ATG2B: variants seen among roughly 807,000 people sequenced by gnomAD.
The protein encoded by ATG2B is autophagy-related protein 2 homolog B.
ATG2B carries 121 observed loss-of-function variants against 241.3 expected under a neutral mutation model. The ratio of observed to expected loss-of-function variants is 0.50; its 90% confidence interval spans 0.43 to 0.58. The LOEUF (loss-of-function observed/expected upper bound fraction) is 0.58, where lower values mean the gene tolerates loss of function less well. ATG2B is among the 20% of genes least tolerant of loss of function. The probability of loss-of-function intolerance (pLI) is 0.00; values close to 1 mark genes in which losing one functional copy is unlikely to be tolerated. For synonymous variants in ATG2B, 858 were observed against 876.6 expected, an observed-to-expected ratio of 0.98 and a Z score of 0.37; for missense variants, 2,306 against 2,491.6, an observed-to-expected ratio of 0.93 and a Z score of 1.59.
chr14:96,310,239 G>A (rs1887113244), intron 28 of ATG2B, among the ~76,000 whole-genome samples: 1 of 152,050 alleles, frequency 6.6e-6, no homozygotes, highest in Non-Finnish European at 1.5e-5. Context: ...TAGTAGGCGG[G>A]GTGTCATAAA....
chr14:96,314,890 G>A (rs1176528334), intron 23 of ATG2B, among the ~76,000 whole-genome samples: 3 of 152,136 alleles, frequency 2.0e-5, no homozygotes, highest in Admixed American at 6.5e-5. Flanking sequence ...TAGTAGAGAC[G>A]GGATTGACCA....
At chr14:96,302,968 A>C (rs1408286921) in intron 33 of ATG2B, 93 bp downstream of exon 33, 2 of 891,082 alleles carry the variant, frequency 2.2e-6, no homozygotes, top group East Asian at 5.8e-5. Context: ...AAAGATATCT[A>C]GTAATTTTCC....
intron 34 of ATG2B, among the ~76,000 whole-genome samples, chr14:96,298,317 T>C (rs1201183914): frequency 3.9e-5 from 6 of 152,224 alleles, no homozygotes; most frequent in Non-Finnish European, 7.3e-5. Context: ...CTCATGGCTA[T>C]TGGTGGGAAT....
intron 4 of ATG2B, among the ~76,000 whole-genome samples, chr14:96,343,674 TC>T (rs1461107090): frequency 7.9e-5 from 12 of 152,290 alleles, no homozygotes; most frequent in African/African-American, 2.9e-4. Flanking sequence ...ATTCCTGTAC[TC>T]CCCCACAAAA....
rs1886299279 is a variant in ATG2B at position 96,285,087 on chromosome 14, T to C, written c.*668A>G. 6.6e-6 allele frequency: 1 copy of C among 152,248 alleles called. No homozygotes were observed. Among genetic ancestry groups the C allele is most frequent in the African/African-American group, 2.4e-5 (1 of 41,474 alleles). 9.4% of individuals were successfully genotyped at this position (152,248 alleles called of 1,614,324 possible). On this transcript the variant is annotated 3_prime_UTR_variant, in exon 42 of 42. Coordinates refer to ENST00000359933, the MANE Select transcript of ATG2B (RefSeq NM_018036.7). This position sits in a 1 kb window ranked among gnomAD's most constrained non-coding sequence, Gnocchi z 4.2. ...ACTGCTCTTTATATTTTGTGTAACTTTGTAAATTATACAAGAAATATAGCA... is the reference window on the plus strand; with the variant it reads ...ACTGCTCTTTATATTTTGTGTAACTCTGTAAATTATACAAGAAATATAGCA...
intron 6 of ATG2B, among the ~76,000 whole-genome samples, chr14:96,340,196 C>T (rs1339220872): frequency 2.9e-5 from 2 of 68,552 alleles, no homozygotes; most frequent in Non-Finnish European, 7.8e-5. Context: ...TATATATATT[C>T]ACACACACAT....
chr14:96,331,561 T>C lies in ATG2B; in HGVS notation c.1545A>G (p.Ser515=), dbSNP rs1374559521. 15 of 1,613,952 alleles carry C rather than the reference T, an allele frequency of 9.3e-6. No homozygotes were observed. The highest frequency in any genetic ancestry group is 1.3e-5 in the African/African-American group (1 of 74,916). ...LIFRLAVGTF[S]ISVLHIDPLS... ...AAGGATCAATGTGAAGCACAGAGAT[T>C]GAAAAAGTTCCCACAGCTAGTCTAA... Residue 515 remains serine (S), a synonymous_variant, in exon 11 of 42, where the codon TCA becomes TCG. Transcript: ENST00000359933.
At position 96,363,331 on chromosome 14, in the gene ATG2B, T is replaced by G; in HGVS notation, c.-355A>C. ...AATTTGTTGTCATCCGCGAGGCGCG[T>G]TCCCGGCTGTAGGGACGCTCCTGGC... On this transcript the variant is annotated 5_prime_UTR_variant, in exon 1 of 42. Coordinates refer to ENST00000359933, the MANE Select transcript of ATG2B (RefSeq NM_018036.7). The G allele has an allele frequency of 4.0e-6, 1 of 249,312 alleles. No individual in the cohort carries two copies. Among genetic ancestry groups the G allele is most frequent in the Non-Finnish European group, 7.9e-6 (1 of 126,088 alleles). The allele number at this position is 249,312 out of a possible 1,614,324, so 15.4% of individuals were successfully genotyped here.
chr14:96,329,105 G>A (rs1338056548), intron 12 of ATG2B, among the ~76,000 whole-genome samples: 2 of 152,164 alleles, frequency 1.3e-5, no homozygotes, highest in Non-Finnish European at 2.9e-5. Flanking sequence ...CAGAAAAATG[G>A]TGAATGAACA....
intron 18 of ATG2B, among the ~76,000 whole-genome samples, chr14:96,320,501 T>A (rs1887431450): frequency 6.7e-6 from 1 of 149,294 alleles, no homozygotes. Context: ...AAAGACAAAA[T>A]AGTCAGATGC....
chr14:96,281,012 T>C lies in ATG2B; in HGVS notation c.*4743A>G, dbSNP rs150728207. 2 of 152,230 alleles carry C rather than the reference T, an allele frequency of 1.3e-5. No individual in the cohort carries two copies. Among genetic ancestry groups the C allele is most frequent in the African/African-American group, 2.4e-5 (1 of 41,456 alleles). The allele number at this position is 152,230 out of a possible 1,614,324, so 9.4% of individuals were successfully genotyped here. ...GAGGTGTGTTTGCTGCAAGTCCTTA[T>C]TGCAGGGATAGGATAACTAATAGAG... On this transcript the variant is annotated 3_prime_UTR_variant, in exon 42 of 42. Transcript: ENST00000359933.
chr14:96,303,093 T>C lies in ATG2B; in HGVS notation c.5005A>G (p.Lys1669Glu). The C allele has an allele frequency of 6.2e-7, 1 of 1,604,448 alleles. No individual in the cohort carries two copies. Among genetic ancestry groups the C allele is most frequent in the Non-Finnish European group, 8.5e-7 (1 of 1,175,224 alleles). The change falls in exon 33 of 42, where the codon AAA (lysine) becomes GAA (glutamate). Residue 1669 changes from lysine (K) to glutamate (E), a missense_variant. Physicochemically the swap from Lys to Glu is moderately conservative, Grantham distance 56. Around this residue, in one of 2 missense-constraint regions of ATG2B, gnomAD observed 1,927 missense variants for 2,011.2 expected, o/e 0.96. Transcript: ENST00000359933. ...GAGTGAGCTTTTCGAGGCATTTCTTTACTGCAATACAGGTATAAAAATTTA... is the reference window on the plus strand; with the variant it reads ...GAGTGAGCTTTTCGAGGCATTTCTTCACTGCAATACAGGTATAAAAATTTA... ...MNKFLYLYCS[K>E]EMPRKAHSNM...
chr14:96,359,369 C>A (rs936457766), intron 1 of ATG2B, among the ~76,000 whole-genome samples: 4 of 150,392 alleles, frequency 2.7e-5, no homozygotes, highest in South Asian at 2.1e-4. Context: ...CAGAGTGAGA[C>A]CCTGTCTCAA....
intron 21 of ATG2B, among the ~76,000 whole-genome samples, chr14:96,315,995 G>T (rs1390767129): frequency 6.6e-6 from 1 of 152,100 alleles, no homozygotes; most frequent in African/African-American, 2.4e-5. Flanking sequence ...CTTTACAGTG[G>T]AATATTATTT....
At chr14:96,313,764 A>C (rs1887229109) in intron 23 of ATG2B, among the ~76,000 whole-genome samples, 1 of 152,222 alleles carries the variant, frequency 6.6e-6, no homozygotes, top group Non-Finnish European at 1.5e-5. Context: ...GAAATGCAGA[A>C]GCCTATCCAA....
chr14:96,327,206 G>A (rs1278952204), intron 14 of ATG2B, among the ~76,000 whole-genome samples: 5 of 146,210 alleles, frequency 3.4e-5, no homozygotes, highest in Non-Finnish European at 7.4e-5. Context: ...ACAGCACTGC[G>A]GTCTGGGCAA....
At chr14:96,337,179 G>GT (rs1166986611) in intron 6 of ATG2B, among the ~76,000 whole-genome samples, 1 of 152,162 alleles carries the variant, frequency 6.6e-6, no homozygotes, top group African/African-American at 2.4e-5. Flanking sequence ...ACTGGGACAG[G>GT]TAAGTGGCTG....
chr14:96,297,247 A>C (rs192732160), intron 34 of ATG2B, among the ~76,000 whole-genome samples: 2 of 151,696 alleles, frequency 1.3e-5, no homozygotes, highest in African/African-American at 4.8e-5. Context: ...GGACTCCATG[A>C]TTACCTTCAA....
chr14:96,332,436 T>C, intron 9 of ATG2B, 26 bp from the exon 10 acceptor site: 1 of 1,612,570 alleles, frequency 6.2e-7, no homozygotes, highest in Non-Finnish European at 8.5e-7. Context: ...TTTAAGCACA[T>C]GAATGAAGTG....
Sources: allele counts gnomAD v4.1 joint callset (sites outside exome capture counted in the v4.1 genomes callset), GRCh38; gene constraint gnomAD v4.1.1; regional missense constraint gnomAD v4.1.1; non-coding constraint Gnocchi (gnomAD v3.1); transcripts MANE v1.5; gene names NCBI Gene and HGNC (gene_info 2026-07-23, HGNC 2026-07-21).